The following ASTN2 variants were observed in gnomAD, a reference collection of about 807,000 sequenced individuals.
ASTN2 encodes astrotactin 2.
In ASTN2, 54 loss-of-function variants were observed where a neutral mutation model predicts 139.8. The observed-to-expected ratio is 0.39, with a 90% CI of 0.31 to 0.48. The LOEUF (loss-of-function observed/expected upper bound fraction) is 0.48. Among genes scored for constraint, ASTN2 ranks in the 20% least tolerant of loss-of-function variants. ASTN2 has a pLI of 0.95. For synonymous variants in ASTN2, 756 were observed against 719.5 expected (o/e 1.05, Z -0.81); for missense variants, 1,565 against 1,725.1 (o/e 0.91, Z 1.64).
At chr9:116,514,931 C>A (rs1376509524) in intron 19 of ASTN2, among the ~76,000 whole-genome samples, 1 of 152,266 alleles carries the variant, frequency 6.6e-6, no homozygotes, top group South Asian at 2.1e-4. Context: ...ATTCCCTGAC[C>A]CTTTGTGCTT....
rs957453830 is a variant in ASTN2 at position 116,911,148 on chromosome 9, C to T, written c.1890-47415G>A. ...ATTCCATAGCATCTTCATTCGCAAG[C>T]GAGTAAGATCCATCCCACGAAATAA... On this transcript the variant is annotated intron_variant, in intron 10 of 22. Coordinates refer to ENST00000313400, the MANE Select transcript of ASTN2 (RefSeq NM_001365068.1). 1.9e-3 allele frequency among the ~76,000 whole-genome samples: 285 copies of T among 152,166 alleles called. 2 individuals are homozygous for T. The highest frequency in any genetic ancestry group is 1.3e-3 in the Non-Finnish European group (90 of 68,046).
rs560800969 is a variant in ASTN2 at position 116,731,442 on chromosome 9, G to A, written c.2521+1957C>T. On this transcript the variant is annotated intron_variant, in intron 14 of 22. Coordinates refer to ENST00000313400, the MANE Select transcript of ASTN2 (RefSeq NM_001365068.1). ...TTGTTTTGTTTTGTTTTGTTTTTGA[G>A]ACAGAGTTTCACTCCTGTTGCCCAT... Among the ~76,000 whole-genome samples, 5 of 151,700 alleles carry A rather than the reference G, an allele frequency of 3.3e-5. No individual in the cohort carries two copies. The South Asian group carries it at 8.3e-4, about 25-fold the overall frequency.
In ASTN2 at chr9:116,425,788, C is replaced by T. The variant is rs1564267510; in HGVS notation, c.*63G>A. ...CCCAGCCCACCCAGGCCCCAGGATCCAGGAGAATACTGCTCCCCCTCCCAT... is the reference window on the plus strand; with the variant it reads ...CCCAGCCCACCCAGGCCCCAGGATCTAGGAGAATACTGCTCCCCCTCCCAT... On this transcript the variant is annotated 3_prime_UTR_variant, in exon 23 of 23. Transcript: ENST00000313400. The T allele has an allele frequency of 2.5e-6, 4 of 1,609,862 alleles. No homozygotes were observed. Among genetic ancestry groups the T allele is most frequent in the Non-Finnish European group, 3.4e-6 (4 of 1,177,248 alleles).
intron 5 of ASTN2, among the ~76,000 whole-genome samples, chr9:117,089,903 G>A (rs1167868145): frequency 1.3e-5 from 2 of 152,028 alleles, no homozygotes; most frequent in Admixed American, 6.6e-5. Context: ...GTATATATAC[G>A]ACAGTTTCTT....
intron 19 of ASTN2, among the ~76,000 whole-genome samples, chr9:116,594,757 T>C (rs1588050700): frequency 1.3e-5 from 2 of 152,256 alleles, no homozygotes; most frequent in South Asian, 2.1e-4. Context: ...CTGCACCCAA[T>C]GTATGAAACA....
intron 17 of ASTN2, among the ~76,000 whole-genome samples, chr9:116,632,410 T>C (rs1183709933): frequency 6.6e-6 from 1 of 151,130 alleles, no homozygotes; most frequent in East Asian, 1.9e-4. Flanking sequence ...GCCTGGCCAA[T>C]ATAGTGAGAC....
At chr9:116,789,781 T>G (rs1490725281) in intron 13 of ASTN2, among the ~76,000 whole-genome samples, 1 of 152,138 alleles carries the variant, frequency 6.6e-6, no homozygotes, top group Non-Finnish European at 1.5e-5. Context: ...CTCACATGAT[T>G]TCAAGTGTGA....
At chr9:117,240,530 C>T (rs1420043017) in intron 2 of ASTN2, among the ~76,000 whole-genome samples, 1 of 152,148 alleles carries the variant, frequency 6.6e-6, no homozygotes, top group South Asian at 2.1e-4. Flanking sequence ...AGGAGAAAGA[C>T]ATAAGATTAG....
chr9:116,766,273 T>C (rs1829805449), intron 13 of ASTN2, among the ~76,000 whole-genome samples: 1 of 151,554 alleles, frequency 6.6e-6, no homozygotes, highest in East Asian at 1.9e-4. Flanking sequence ...ACACACACAC[T>C]CATCTCACAT....
intron 20 of ASTN2, among the ~76,000 whole-genome samples, chr9:116,455,714 G>A (rs1427922943): frequency 6.6e-6 from 1 of 150,828 alleles, no homozygotes; most frequent in Admixed American, 6.6e-5. Context: ...AATAAAAAAG[G>A]CCCAAGCCAT....
intron 16 of ASTN2, among the ~76,000 whole-genome samples, chr9:116,719,069 C>A (rs1564230329): frequency 6.8e-6 from 1 of 146,420 alleles, no homozygotes. Context: ...TAATACACAT[C>A]CTCAGGGCTG....
intron 5 of ASTN2, among the ~76,000 whole-genome samples, chr9:117,070,169 A>T (rs1481312560): frequency 7.6e-6 from 1 of 132,156 alleles, no homozygotes; most frequent in East Asian, 2.4e-4. Context: ...TTCCGTGTTT[A>T]GTGCTTCCTT....
chr9:117,098,448 C>A (rs1437188494), intron 4 of ASTN2, among the ~76,000 whole-genome samples: 2 of 152,170 alleles, frequency 1.3e-5, no homozygotes, highest in East Asian at 3.9e-4. Flanking sequence ...TGCCTCCCCA[C>A]ACCCATCCTT....
Position 116,835,637 on chromosome 9 carries a change from TA to T in ASTN2, c.2041-14855del, listed in dbSNP as rs200211503. Among the ~76,000 whole-genome samples the T allele has an allele frequency of 5.9e-3, 895 of 152,304 alleles. 41 individuals carry two copies. The highest frequency in any genetic ancestry group is 0.054 in the Admixed American group (833 of 15,294). ...AACCCGCTGCCCCCAAAAGCATTTG[TA>T]AAATGTATAAAACAAAGCTGCTCCC... On this transcript the variant is annotated intron_variant, in intron 11 of 22. Coordinates refer to ENST00000313400, the MANE Select transcript of ASTN2 (RefSeq NM_001365068.1).
chr9:116,670,241 A>G (rs1859112711), intron 16 of ASTN2, among the ~76,000 whole-genome samples: 1 of 152,236 alleles, frequency 6.6e-6, no homozygotes, highest in Admixed American at 6.5e-5. Flanking sequence ...GTATTGTCAA[A>G]CTATGTAAGT....
chr9:116,905,878 C>CGG (rs1834144278), intron 10 of ASTN2, among the ~76,000 whole-genome samples: 4 of 29,196 alleles, frequency 1.4e-4, no homozygotes, highest in East Asian at 9.9e-4. Context: ...GGGGGGGGTG[C>CGG]GGGGGGTGTG....
intron 11 of ASTN2, among the ~76,000 whole-genome samples, chr9:116,829,600 G>A (rs2132282837): frequency 6.6e-6 from 1 of 152,228 alleles, no homozygotes; most frequent in East Asian, 1.9e-4. Flanking sequence ...CTGGGAGCAG[G>A]AGAAAGAGAG....
rs567066645 is a variant in ASTN2, at chr9:116,714,222, A to G, written c.2806+11549T>C. On this transcript the variant is annotated intron_variant, in intron 16 of 22. Coordinates refer to ENST00000313400, the MANE Select transcript of ASTN2 (RefSeq NM_001365068.1). ...TGAGCTCCAGGCTGTGCTATCTGAC[A>G]TTCTCACCTTCTATTCCCACCTCCA... is the stretch of plus-strand genomic sequence containing the variant. Among the ~76,000 whole-genome samples, 58 of 152,274 alleles carry G rather than the reference A, an allele frequency of 3.8e-4. No homozygotes were observed. In the South Asian group the frequency reaches 0.011, roughly 30 times the overall value.
At chr9:117,404,719 C>A (rs993616843) in intron 1 of ASTN2, among the ~76,000 whole-genome samples, 3 of 152,084 alleles carry the variant, frequency 2.0e-5, no homozygotes, top group Non-Finnish European at 2.9e-5. Context: ...TCCAGACACC[C>A]TGATCATTTC....
Sources: gnomAD v4.1 joint callset for allele counts (sites outside exome capture counted in the v4.1 genomes callset) on GRCh38, gnomAD v4.1.1 for gene constraint, MANE v1.5 for transcripts, NCBI Gene and HGNC (gene_info 2026-07-23, HGNC 2026-07-21) for gene names.